The following BTRC variants were observed in gnomAD, a reference collection of about 807,000 sequenced individuals.
The protein encoded by BTRC is beta-transducin repeat containing E3 ubiquitin protein ligase, also known as F-box/WD repeat-containing protein 1A.
BTRC carries 42 observed loss-of-function variants against 85.5 expected under a neutral mutation model. The ratio of observed to expected loss-of-function variants is 0.49; its 90% confidence interval spans 0.38 to 0.64. The LOEUF is 0.64. BTRC is among the 30% of genes least tolerant of loss of function. BTRC has a pLI of 0.00. For missense variants in BTRC, 594 were observed against 743.5 expected, an observed-to-expected ratio of 0.80 and a Z score of 2.34; for synonymous variants, 255 against 263.3, an observed-to-expected ratio of 0.97 and a Z score of 0.30.
intron 7 of BTRC, 97 bp downstream of exon 7, chr10:101,531,430 T>G (rs2062279639): frequency 1.1e-6 from 1 of 923,146 alleles, no homozygotes; most frequent in African/African-American, 1.7e-5. Flanking sequence ...TAAGGTTTAT[T>G]GACATGAGTT....
At chr10:101,363,470 T>C (rs935253739) in intron 1 of BTRC, among the ~76,000 whole-genome samples, 1 of 150,534 alleles carries the variant, frequency 6.6e-6, no homozygotes, top group South Asian at 2.1e-4. Flanking sequence ...TGTTTTTTCT[T>C]TTTTTTGAGA....
intron 1 of BTRC, among the ~76,000 whole-genome samples, chr10:101,427,081 G>A (rs7901883): frequency 0.36 from 52,982 of 148,526 alleles, 11,457 homozygotes; most frequent in East Asian, 0.67. Flanking sequence ...AACCAATTGC[G>A]TATGTACAGC....
intron 14 of BTRC, 105 bp downstream of exon 14, chr10:101,550,996 C>CTCCT: frequency 9.4e-7 from 1 of 1,067,326 alleles, no homozygotes; most frequent in Non-Finnish European, 1.3e-6. Flanking sequence ...GGGTCACCAA[C>CTCCT]TCCTGTAAAG....
intron 1 of BTRC, among the ~76,000 whole-genome samples, chr10:101,402,973 T>C (rs1943527538): frequency 6.6e-6 from 1 of 152,218 alleles, no homozygotes; most frequent in Admixed American, 6.5e-5. Context: ...TGTTTATAAA[T>C]GTTAATGTGT....
chr10:101,532,062 A>T (rs182148042), intron 7 of BTRC, among the ~76,000 whole-genome samples: 1 of 152,364 alleles, frequency 6.6e-6, no homozygotes, highest in African/African-American at 2.4e-5. Context: ...TTATTATTTA[A>T]TTGAACAAAT....
intron 1 of BTRC, among the ~76,000 whole-genome samples, chr10:101,386,797 G>C (rs368367455): frequency 6.6e-6 from 1 of 152,106 alleles, no homozygotes; most frequent in East Asian, 1.9e-4. Context: ...AGGTGAATTG[G>C]TGGGGGGTGT....
chr10:101,421,545 C>T (rs1250008886), intron 1 of BTRC, among the ~76,000 whole-genome samples: 2 of 151,694 alleles, frequency 1.3e-5, no homozygotes, highest in South Asian at 2.1e-4. Flanking sequence ...TATACATGTG[C>T]CATGTTGGTG....
chr10:101,396,690 C>T (rs527917237), intron 1 of BTRC, among the ~76,000 whole-genome samples: 1 of 152,206 alleles, frequency 6.6e-6, no homozygotes, highest in South Asian at 2.1e-4. Context: ...GTGGAAACAT[C>T]AGTCACTACT....
At chr10:101,467,995 T>A (rs1000830785) in intron 3 of BTRC, among the ~76,000 whole-genome samples, 18 of 152,218 alleles carry the variant, frequency 1.2e-4, no homozygotes, top group African/African-American at 4.1e-4. Context: ...TTATATAACT[T>A]CCCACTTCTG....
intron 2 of BTRC, among the ~76,000 whole-genome samples, chr10:101,450,563 GGCACCAAT>G (rs752219063): frequency 3.3e-5 from 5 of 152,116 alleles, no homozygotes; most frequent in Non-Finnish European, 5.9e-5. Context: ...CAGTATAACA[GGCACCAAT>G]GCTGTTTGAC....
At chr10:101,467,148 T>C (rs1945394439) in intron 3 of BTRC, among the ~76,000 whole-genome samples, 1 of 151,638 alleles carries the variant, frequency 6.6e-6, no homozygotes, top group Admixed American at 6.6e-5. Context: ...TCCAGATGGG[T>C]AAATACCAAG....
At chr10:101,541,026 C>T (rs1273470492) in intron 13 of BTRC, among the ~76,000 whole-genome samples, 1 of 151,670 alleles carries the variant, frequency 6.6e-6, no homozygotes, top group East Asian at 1.9e-4. Flanking sequence ...TCTGATTGTT[C>T]ATTGCAAATA....
At chr10:101,468,930 AAAATTAAACTCT>A (rs1329511584) in intron 3 of BTRC, among the ~76,000 whole-genome samples, 1 of 152,230 alleles carries the variant, frequency 6.6e-6, no homozygotes, top group African/African-American at 2.4e-5. Context: ...TCCATTGTAA[AAAATTAAACTCT>A]TTAAAATGTT....
chr10:101,536,373 G>C (rs949938111), intron 11 of BTRC, among the ~76,000 whole-genome samples, 170 bp from the exon 12 acceptor site: 7 of 152,202 alleles, frequency 4.6e-5, no homozygotes, highest in African/African-American at 1.7e-4. Context: ...TTCTGTGTGA[G>C]TTATATAGCA....
intron 1 of BTRC, among the ~76,000 whole-genome samples, chr10:101,382,666 G>A (rs1942965814): frequency 6.6e-6 from 1 of 152,158 alleles, no homozygotes; most frequent in African/African-American, 2.4e-5. Context: ...ATTCAGAGGA[G>A]CAAACTTGGA....
chr10:101,438,024 A>T (rs1341078012), intron 2 of BTRC, among the ~76,000 whole-genome samples: 2 of 152,190 alleles, frequency 1.3e-5, no homozygotes. Context: ...GTGCCCTGTA[A>T]AATTGACATG....
intron 9 of BTRC, among the ~76,000 whole-genome samples, chr10:101,534,029 G>A (rs1041678691): frequency 2.6e-5 from 4 of 152,128 alleles, no homozygotes; most frequent in African/African-American, 7.2e-5. Flanking sequence ...AAAACCTTAA[G>A]TAAATACACA....
At chr10:101,487,456 C>G (rs1454924225) in intron 4 of BTRC, among the ~76,000 whole-genome samples, 1 of 152,214 alleles carries the variant, frequency 6.6e-6, no homozygotes, top group Non-Finnish European at 1.5e-5. Flanking sequence ...CATCAATAAA[C>G]TGCAGTGCCT....
chr10:101,365,298 C>T (rs372886221), intron 1 of BTRC, among the ~76,000 whole-genome samples: 4 of 150,952 alleles, frequency 2.6e-5, no homozygotes, highest in East Asian at 3.9e-4. Flanking sequence ...GTCTTGAACT[C>T]CGGATCTCAG....
Sources: gnomAD v4.1 joint callset for allele counts (sites outside exome capture counted in the v4.1 genomes callset) on GRCh38, gnomAD v4.1.1 for gene constraint, MANE v1.5 for transcripts, NCBI Gene and HGNC (gene_info 2026-07-23, HGNC 2026-07-21) for gene names.